The following SSBP2 variants were observed in gnomAD, a reference collection of about 807,000 sequenced individuals.
SSBP2 encodes the protein single-stranded DNA-binding protein 2.
SSBP2 carries 17 observed loss-of-function variants against 61.8 expected under a neutral mutation model. That is an observed-to-expected ratio of 0.28 (90% CI 0.19 to 0.41). The LOEUF (loss-of-function observed/expected upper bound fraction) is 0.41, where lower values mean the gene tolerates loss of function less well. Ranked by LOEUF, SSBP2 falls within the 10% of genes least tolerant of loss-of-function variation. The probability of loss-of-function intolerance (pLI) is 1.00; values close to 1 mark genes in which losing one functional copy is unlikely to be tolerated. For synonymous variants in SSBP2, 139 were observed against 141.3 expected (o/e 0.98, Z 0.12); for missense variants, 310 against 458.7 (o/e 0.68, Z 2.96).
intron 4 of SSBP2, among the ~76,000 whole-genome samples, chr5:81,578,419 G>C (rs1217912636): frequency 6.6e-6 from 1 of 151,792 alleles, no homozygotes; most frequent in East Asian, 1.9e-4. Flanking sequence ...ACGTTAATTA[G>C]GAAAAATTTT....
At chr5:81,663,676 A>G (rs893336603) in intron 1 of SSBP2, among the ~76,000 whole-genome samples, 1 of 139,274 alleles carries the variant, frequency 7.2e-6, no homozygotes, top group African/African-American at 2.5e-5. Flanking sequence ...AAATGGCCAC[A>G]TCTGTCAACC....
At chr5:81,428,451 A>T in intron 16 of SSBP2, 134 bp downstream of exon 16, 1 of 608,610 alleles carries the variant, frequency 1.6e-6, no homozygotes, top group Non-Finnish European at 2.9e-6. Context: ...TATTCCACTT[A>T]AAGTTTCTCT....
In SSBP2 at chr5:81,750,345, C is replaced by T. The variant is rs868727317; in HGVS notation, c.62+636G>A. On this transcript the variant is annotated intron_variant, in intron 1 of 16. Transcript: ENST00000320672. Reference sequence around the variant, plus strand: ...AAAGCCCGGACGCCCAACCCGCACACGCCCTCCGCGCCCCGCGCGCGTCTC... The same window carrying T: ...AAAGCCCGGACGCCCAACCCGCACATGCCCTCCGCGCCCCGCGCGCGTCTC... Among the ~76,000 whole-genome samples the T allele has an allele frequency of 6.5e-3, 949 of 146,932 alleles. 7 individuals are homozygous for T. Among genetic ancestry groups the T allele is most frequent in the African/African-American group, 0.021 (871 of 40,780 alleles).
intron 1 of SSBP2, among the ~76,000 whole-genome samples, chr5:81,747,612 A>C (rs544265899): frequency 6.6e-6 from 1 of 151,872 alleles, no homozygotes; most frequent in African/African-American, 2.4e-5. Flanking sequence ...GAGGTCACTG[A>C]AAAAAAATTT....
At chr5:81,500,507 C>G (rs954276589) in intron 5 of SSBP2, among the ~76,000 whole-genome samples, 1 of 152,162 alleles carries the variant, frequency 6.6e-6, no homozygotes, top group African/African-American at 2.4e-5. Context: ...TGTCGCCAGG[C>G]TGGAGTACAG....
chr5:81,716,786 T>G (rs539901237), intron 1 of SSBP2, among the ~76,000 whole-genome samples: 1 of 152,176 alleles, frequency 6.6e-6, no homozygotes. Context: ...GTAAGTACAC[T>G]GCTATTATGA....
At chr5:81,695,717 T>A (rs1006542107) in intron 1 of SSBP2, among the ~76,000 whole-genome samples, 1 of 152,166 alleles carries the variant, frequency 6.6e-6, no homozygotes, top group African/African-American at 2.4e-5. Context: ...AATCCGTAAG[T>A]AAATCTTGTT....
chr5:81,423,442 G>C (rs567716262), intron 16 of SSBP2, among the ~76,000 whole-genome samples: 35 of 152,254 alleles, frequency 2.3e-4, no homozygotes, highest in Middle Eastern at 6.8e-3. Flanking sequence ...CAAAGGAAAT[G>C]CTTTTTAAAA....
chr5:81,710,757 C>G (rs1374468648), intron 1 of SSBP2: 1 of 440,728 alleles, frequency 2.3e-6, no homozygotes, highest in Non-Finnish European at 4.5e-6. Flanking sequence ...TGGAATAAGG[C>G]ACAGATGAAT....
At chr5:81,422,155 G>C (rs868117744) in intron 16 of SSBP2, among the ~76,000 whole-genome samples, 4 of 152,158 alleles carry the variant, frequency 2.6e-5, no homozygotes, top group African/African-American at 4.8e-5. Context: ...ATTGGTCCCA[G>C]GTTCCAGGAA....
intron 4 of SSBP2, among the ~76,000 whole-genome samples, chr5:81,584,899 CTG>C (rs1774945010): frequency 6.6e-6 from 1 of 151,976 alleles, no homozygotes; most frequent in South Asian, 2.1e-4. Flanking sequence ...GCATATAATG[CTG>C]TCATATAAAA....
At chr5:81,701,108 T>G (rs988448198) in intron 1 of SSBP2, among the ~76,000 whole-genome samples, 1 of 152,212 alleles carries the variant, frequency 6.6e-6, no homozygotes, top group Non-Finnish European at 1.5e-5. Flanking sequence ...GTTTCTAGCT[T>G]TTGATTTAAA....
chr5:81,570,160 TA>T (rs1773731111), intron 4 of SSBP2, among the ~76,000 whole-genome samples: 2 of 152,256 alleles, frequency 1.3e-5, no homozygotes, highest in South Asian at 4.1e-4. Context: ...TCAAGAACTG[TA>T]AAACACTATA....
chr5:81,615,421 G>A, intron 4 of SSBP2, 52 bp downstream of exon 4: 1 of 1,308,720 alleles, frequency 7.6e-7, no homozygotes, highest in Non-Finnish European at 1.1e-6. Flanking sequence ...TAAGAGCAGT[G>A]GTTAAACAGA....
At chr5:81,624,699 T>C (rs1746961108) in intron 3 of SSBP2, among the ~76,000 whole-genome samples, 1 of 152,142 alleles carries the variant, frequency 6.6e-6, no homozygotes, top group African/African-American at 2.4e-5. Flanking sequence ...AATATATGAT[T>C]TTAGTCCACA....
At chr5:81,670,915 T>C (rs1751536991) in intron 1 of SSBP2, among the ~76,000 whole-genome samples, 2 of 152,204 alleles carry the variant, frequency 1.3e-5, no homozygotes, top group African/African-American at 4.8e-5. Context: ...CATATTTAAG[T>C]ATGCACATTA....
chr5:81,528,135 T>C (rs1422151066), intron 4 of SSBP2, among the ~76,000 whole-genome samples: 1 of 152,086 alleles, frequency 6.6e-6, no homozygotes, highest in African/African-American at 2.4e-5. Flanking sequence ...GGGACAGGCC[T>C]GCTTTCTTCC....
chr5:81,615,137 C>A, intron 4 of SSBP2: 1 of 177,580 alleles, frequency 5.6e-6, no homozygotes. Flanking sequence ...TTATCATTTA[C>A]AGAAATCTTA....
chr5:81,721,903 C>A (rs1755563935), intron 1 of SSBP2, among the ~76,000 whole-genome samples: 2 of 152,034 alleles, frequency 1.3e-5, no homozygotes, highest in African/African-American at 4.8e-5. Context: ...TGAGTATCAC[C>A]TCCTGATTAC....
Sources: gnomAD v4.1 joint callset for allele counts (sites outside exome capture counted in the v4.1 genomes callset) on GRCh38, gnomAD v4.1.1 for gene constraint, MANE v1.5 for transcripts, NCBI Gene and HGNC (gene_info 2026-07-23, HGNC 2026-07-21) for gene names.